PPFIBP2: variants seen among roughly 807,000 people sequenced by gnomAD.
PPFIBP2 encodes the protein PPFIB scaffold protein 2.
A neutral mutation model predicts 118.3 loss-of-function variants in PPFIBP2; 118 were observed. That is an observed-to-expected ratio of 1.00 (90% CI 0.86 to 1.16). PPFIBP2 has a LOEUF of 1.16. PPFIBP2 is among the 50% of genes most tolerant of loss of function. PPFIBP2 has a pLI of 0.00. For missense variants in PPFIBP2, 1,195 were observed against 1,073.1 expected (o/e 1.11, Z -1.59); for synonymous variants, 414 against 397.4 (o/e 1.04, Z -0.50).
intron 17 of PPFIBP2, among the ~76,000 whole-genome samples, chr11:7,647,605 T>G (rs1433895388): frequency 6.6e-6 from 1 of 152,250 alleles, no homozygotes; most frequent in African/African-American, 2.4e-5. Flanking sequence ...CATTAGTATC[T>G]GTGCATTGAT....
chr11:7,601,056 T>C (rs372409551), intron 5 of PPFIBP2, among the ~76,000 whole-genome samples: 2 of 152,316 alleles, frequency 1.3e-5, no homozygotes, highest in African/African-American at 2.4e-5. Flanking sequence ...CCAAACCTTG[T>C]GCTTAAAGGG....
chr11:7,659,921 G>A, downstream of PPFIBP2, among the ~76,000 whole-genome samples: 1 of 123,214 alleles, frequency 8.1e-6, no homozygotes, highest in Non-Finnish European at 1.9e-5. Context: ...TTGTGAATGG[G>A]AATTCACTCA....
chr11:7,549,502 G>A lies in PPFIBP2; in HGVS notation c.27G>A (p.Leu9=), dbSNP rs761942411. Residue 9 remains leucine, a synonymous_variant, in exon 2 of 24, where the codon CTG becomes CTA. Coordinates refer to ENST00000299492, the MANE Select transcript of PPFIBP2 (RefSeq NM_003621.5). MASDASHA[L]EAALEQMDGI... The stretch of plus-strand genomic sequence containing the variant: ...TGGCTTCTGATGCTAGTCATGCGCT[G>A]GAAGCTGCCCTGGAGCAAATGGACG... 1 of 1,563,666 alleles carries A rather than the reference G, an allele frequency of 6.4e-7. No individual in the cohort carries two copies. The highest frequency in any genetic ancestry group is 1.7e-4 in the Middle Eastern group (1 of 6,010).
At chr11:7,521,744 A>C (rs1849776496) in intron 1 of PPFIBP2, among the ~76,000 whole-genome samples, 1 of 152,208 alleles carries the variant, frequency 6.6e-6, no homozygotes, top group Non-Finnish European at 1.5e-5. Context: ...TGTGGTAGAT[A>C]TGGGCCTTAA....
At chr11:7,593,280 C>G in intron 4 of PPFIBP2, 56 bp downstream of exon 4, 2 of 1,582,392 alleles carry the variant, frequency 1.3e-6, no homozygotes, top group South Asian at 1.2e-5. Context: ...TATGTAGCTT[C>G]CCCTAAGTGG....
At chr11:7,580,764 A>G (rs941137656) in intron 3 of PPFIBP2, among the ~76,000 whole-genome samples, 5 of 152,222 alleles carry the variant, frequency 3.3e-5, no homozygotes, top group Non-Finnish European at 2.9e-5. Flanking sequence ...TACCTACCAC[A>G]TACAGGCTTT....
intron 1 of PPFIBP2, among the ~76,000 whole-genome samples, chr11:7,529,714 C>T (rs1000882351): frequency 7.9e-5 from 12 of 152,240 alleles, no homozygotes; most frequent in Admixed American, 7.2e-4. Context: ...CCAGCGGTGT[C>T]TTCTCTGTCA....
chr11:7,665,470 G>A, the PPFIBP2 span: 3 of 1,613,972 alleles, frequency 1.9e-6, no homozygotes, highest in African/African-American at 1.3e-5. Context: ...ACACCAGGAT[G>A]AGCGTGGACT....
In PPFIBP2 at chr11:7,557,100, G is replaced by A. The variant is rs145943886; in HGVS notation, c.64+7561G>A. Among the ~76,000 whole-genome samples the A allele has an allele frequency of 5.5e-3, 843 of 152,156 alleles. 6 individuals carry two copies. The highest frequency in any genetic ancestry group is 0.019 in the African/African-American group (805 of 41,496). ...CCTTGTCCTCCTTTTTTAATTCCAT[G>A]CTTCCTAACTCCTCTTTTATATTTT... On this transcript the variant is annotated intron_variant, in intron 2 of 23. Coordinates refer to ENST00000299492, the MANE Select transcript of PPFIBP2 (RefSeq NM_003621.5).
chr11:7,634,409 C>A, intron 12 of PPFIBP2, 86 bp from the exon 13 acceptor site: 1 of 1,063,766 alleles, frequency 9.4e-7, no homozygotes, highest in South Asian at 1.3e-5. Context: ...CCAAGACCAT[C>A]GGTTAAGCAT....
At position 7,636,408 on chromosome 11, in the gene PPFIBP2, G is replaced by T. The variant is rs548415996; in HGVS notation, c.1236+815G>T. On this transcript the variant is annotated intron_variant, in intron 14 of 23. Coordinates refer to ENST00000299492, the MANE Select transcript of PPFIBP2 (RefSeq NM_003621.5). ...ATATTTGTAGCAGTTGGTTCTTCAA[G>T]TGGGCAGCCATTCCTTGGGCCATCT... Among the ~76,000 whole-genome samples the T allele has an allele frequency of 9.2e-5, 14 of 152,278 alleles. No individual in the cohort carries two copies. In the South Asian group the frequency reaches 2.5e-3, roughly 27 times the overall value.
chr11:7,660,346 T>G (rs566284647), downstream of PPFIBP2, among the ~76,000 whole-genome samples: 47 of 114,306 alleles, frequency 4.1e-4, 2 homozygotes, highest in East Asian at 8.4e-3. Context: ...TTATTGAGAG[T>G]TTTTAGCATG....
At chr11:7,625,004 C>A (rs1174255970) in intron 7 of PPFIBP2, among the ~76,000 whole-genome samples, 4 of 152,274 alleles carry the variant, frequency 2.6e-5, no homozygotes, top group East Asian at 3.9e-4. Flanking sequence ...CATGAACAAC[C>A]ACACCTAGTG....
the PPFIBP2 span, chr11:7,665,517 C>A: frequency 6.2e-7 from 1 of 1,612,114 alleles, no homozygotes. Flanking sequence ...ATCATGTCGG[C>A]AGTAACGAAG....
chr11:7,613,145 G>A (rs1442520720), intron 6 of PPFIBP2, among the ~76,000 whole-genome samples: 1 of 152,072 alleles, frequency 6.6e-6, no homozygotes, highest in Non-Finnish European at 1.5e-5. Context: ...CAGTTTCTCA[G>A]CTTAGCTCAG....
intron 7 of PPFIBP2, among the ~76,000 whole-genome samples, chr11:7,623,507 G>A (rs1417383711): frequency 6.6e-6 from 1 of 152,164 alleles, no homozygotes; most frequent in Non-Finnish European, 1.5e-5. Flanking sequence ...ATAGTTTCTG[G>A]CCTATTTCTG....
At chr11:7,605,903 A>G in intron 5 of PPFIBP2, 1 of 1,510,806 alleles carries the variant, frequency 6.6e-7, no homozygotes, top group Admixed American at 2.2e-5. Flanking sequence ...AACGAAATGG[A>G]AAGCAAAGCC....
At position 7,653,310 on chromosome 11, in the gene PPFIBP2, C is replaced by T; in HGVS notation, c.*92C>T. 1 of 1,558,490 alleles carries T rather than the reference C, an allele frequency of 6.4e-7. No homozygotes were observed. Among genetic ancestry groups the T allele is most frequent in the Non-Finnish European group, 8.7e-7 (1 of 1,155,602 alleles). ...ACTGCACCTCACCCCCGCACGTGTGCATGACTCGCAGAGAATATTCCAGCA... is the reference window on the plus strand; with the variant it reads ...ACTGCACCTCACCCCCGCACGTGTGTATGACTCGCAGAGAATATTCCAGCA... On this transcript the variant is annotated 3_prime_UTR_variant, in exon 24 of 24. Coordinates refer to ENST00000299492, the MANE Select transcript of PPFIBP2 (RefSeq NM_003621.5).
chr11:7,649,535 G>A lies in PPFIBP2; in HGVS notation c.2002G>A (p.Asp668Asn), dbSNP rs1397296211. The A allele has an allele frequency of 7.4e-6, 12 of 1,614,098 alleles. No homozygotes were observed. Among genetic ancestry groups the A allele is most frequent in the Admixed American group, 3.3e-5 (2 of 60,004 alleles). The change falls in exon 21 of 24, where the codon GAT becomes AAT. Residue 668 changes from aspartate (D) to asparagine (N), a missense_variant. Asp to Asn is a conservative substitution (Grantham distance 23). Coordinates refer to ENST00000299492, the MANE Select transcript of PPFIBP2 (RefSeq NM_003621.5). ...AAACCAAACTTTCCTCTTTCAGAACGATTTACTCTTCTTAAAAGTCACCAG... is the reference window on the plus strand; with the variant it reads ...AAACCAAACTTTCCTCTTTCAGAACAATTTACTCTTCTTAAAAGTCACCAG... Reference protein sequence around the residue: ...RRMLQYLTVNDLLFLKVTSQL... With the variant: ...RRMLQYLTVNNLLFLKVTSQL...
Sources: gnomAD v4.1 joint callset for allele counts (sites outside exome capture counted in the v4.1 genomes callset) on GRCh38, gnomAD v4.1.1 for gene constraint, MANE v1.5 for transcripts, NCBI Gene and HGNC (gene_info 2026-07-23, HGNC 2026-07-21) for gene names.